The following SRD5A2 variants were observed in gnomAD, a reference collection of about 807,000 sequenced individuals.
The protein encoded by SRD5A2 is steroid 5 alpha-reductase 2.
Under a neutral mutation model 27.4 loss-of-function variants are expected in SRD5A2, and 30 were observed. The ratio of observed to expected loss-of-function variants is 1.10; its 90% CI spans 0.82 to 1.49. The LOEUF (loss-of-function observed/expected upper bound fraction) is 1.49, where lower values mean the gene tolerates loss of function less well. Among genes scored for constraint, SRD5A2 ranks in the 40% most tolerant of loss-of-function variants. The pLI, the probability that SRD5A2 is intolerant of heterozygous loss-of-function variation, is 0.00. For synonymous variants in SRD5A2, 141 were observed against 133.6 expected (o/e 1.06, Z -0.38); for missense variants, 348 against 323.4 (o/e 1.08, Z -0.58).
chr2:31,640,264 G>T, the SRD5A2 span, among the ~76,000 whole-genome samples: 23 of 151,810 alleles, frequency 1.5e-4, no homozygotes, highest in East Asian at 7.7e-4. Context: ...TTATCTTAAA[G>T]ATCACTAAGT....
At chr2:31,544,855 A>G (rs559147867) in intron 1 of SRD5A2, among the ~76,000 whole-genome samples, 14 of 152,040 alleles carry the variant, frequency 9.2e-5, no homozygotes, top group African/African-American at 3.4e-4. Context: ...AAAATCATAA[A>G]TAAAAGTGGG....
intron 1 of SRD5A2, among the ~76,000 whole-genome samples, chr2:31,574,085 G>T (rs540466300): frequency 2.6e-4 from 39 of 152,342 alleles, no homozygotes; most frequent in Non-Finnish European, 5.4e-4. Flanking sequence ...ATGTTCAGTG[G>T]CCTGGCGGGG....
chr2:31,605,729 T>C, the SRD5A2 span, among the ~76,000 whole-genome samples: 1 of 150,950 alleles, frequency 6.6e-6, no homozygotes, highest in African/African-American at 2.4e-5. Context: ...CTATGGCGAG[T>C]AGTTTGGAGG....
chr2:31,662,856 A>G, the SRD5A2 span, among the ~76,000 whole-genome samples: 8 of 152,164 alleles, frequency 5.3e-5, no homozygotes, highest in East Asian at 1.5e-3. Context: ...TTGCAGTCTT[A>G]CCTTGTATGT....
At chr2:31,645,167 C>G in the SRD5A2 span, among the ~76,000 whole-genome samples, 1 of 152,008 alleles carries the variant, frequency 6.6e-6, no homozygotes. Context: ...AGACAAGCCT[C>G]TACTTTAAAA....
chr2:31,573,231 G>C (rs1012874710), intron 1 of SRD5A2, among the ~76,000 whole-genome samples: 3 of 152,168 alleles, frequency 2.0e-5, no homozygotes, highest in African/African-American at 7.2e-5. Context: ...GACAAAATGA[G>C]ATAGCCAATG....
At chr2:31,643,204 T>C in the SRD5A2 span, among the ~76,000 whole-genome samples, 1 of 152,166 alleles carries the variant, frequency 6.6e-6, no homozygotes, top group Non-Finnish European at 1.5e-5. Context: ...CAAATTTTAA[T>C]ATAATTGTTA....
chr2:31,568,831 T>C (rs1250056372), intron 1 of SRD5A2, among the ~76,000 whole-genome samples: 1 of 152,180 alleles, frequency 6.6e-6, no homozygotes, highest in Admixed American at 6.5e-5. Context: ...GCACCCAAAG[T>C]CTGGAGGGGG....
At chr2:31,649,649 T>C in the SRD5A2 span, among the ~76,000 whole-genome samples, 2 of 152,166 alleles carry the variant, frequency 1.3e-5, no homozygotes, top group Non-Finnish European at 2.9e-5. Flanking sequence ...ACTCTTCTGA[T>C]GCATTCTCAC....
the SRD5A2 span, among the ~76,000 whole-genome samples, chr2:31,646,777 C>T: frequency 1.3e-5 from 2 of 152,070 alleles, no homozygotes; most frequent in East Asian, 3.8e-4. Flanking sequence ...AATACTTGTG[C>T]CAGGTCAAGC....
intron 1 of SRD5A2, among the ~76,000 whole-genome samples, chr2:31,547,683 G>A (rs1666290087): frequency 6.6e-6 from 1 of 152,142 alleles, no homozygotes; most frequent in South Asian, 2.1e-4. Context: ...GTCCTGGACT[G>A]AGAATTGCAA....
At position 31,524,536 on chromosome 2, in the gene SRD5A2, A is replaced by G. The variant is rs1289367680; in HGVS notation, c.*1660T>C. ...AAGCACACCCCAATACCTTGTGAAA[A>G]TCTCCAGAAGTCCCAGGATATTTTA... On this transcript the variant is annotated 3_prime_UTR_variant, in exon 5 of 5. Transcript: ENST00000622030. 1 of 230,000 alleles carries G rather than the reference A, an allele frequency of 4.3e-6. No individual in the cohort carries two copies. Among genetic ancestry groups the G allele is most frequent in the East Asian group, 6.2e-5 (1 of 16,160 alleles). The allele number at this position is 230,000 out of a possible 1,614,324, so 14.2% of individuals were successfully genotyped here.
intron 1 of SRD5A2, among the ~76,000 whole-genome samples, chr2:31,536,873 C>T (rs915169343): frequency 6.6e-6 from 1 of 152,256 alleles, no homozygotes; most frequent in South Asian, 2.1e-4. Context: ...ACTTTAATTA[C>T]CTCCTACACC....
the SRD5A2 span, among the ~76,000 whole-genome samples, chr2:31,659,888 T>C: frequency 6.6e-6 from 1 of 152,052 alleles, no homozygotes; most frequent in Non-Finnish European, 1.5e-5. Context: ...GTGTTTAAAG[T>C]TTTCCCACTG....
chr2:31,640,969 T>C, the SRD5A2 span, among the ~76,000 whole-genome samples: 1 of 152,180 alleles, frequency 6.6e-6, no homozygotes, highest in Admixed American at 6.5e-5. Context: ...GGCGATTTTC[T>C]GTGTGTTGGT....
At chr2:31,608,748 C>T in the SRD5A2 span, among the ~76,000 whole-genome samples, 1 of 151,934 alleles carries the variant, frequency 6.6e-6, no homozygotes, top group Non-Finnish European at 1.5e-5. Context: ...AACTACAAAA[C>T]ATTGTTGAAA....
At chr2:31,581,195 T>C (rs1253820772), upstream of SRD5A2, 3 of 447,810 alleles carry the variant, frequency 6.7e-6, no homozygotes, top group Admixed American at 1.2e-4. Flanking sequence ...GACTTGTTCC[T>C]CAACTATTAG....
At chr2:31,568,191 AG>A in intron 1 of SRD5A2, among the ~76,000 whole-genome samples, 1 of 152,288 alleles carries the variant, frequency 6.6e-6, no homozygotes, top group South Asian at 2.1e-4. Context: ...GCCCTGGCTC[AG>A]GGCTCCCCTA....
the SRD5A2 span, among the ~76,000 whole-genome samples, chr2:31,598,858 A>G: frequency 2.0e-4 from 31 of 152,052 alleles, no homozygotes; most frequent in African/African-American, 7.5e-4. Flanking sequence ...TAAATTCTGC[A>G]ATCAAAAGAC....
Sources: allele counts gnomAD v4.1 joint callset (sites outside exome capture counted in the v4.1 genomes callset), GRCh38; gene constraint gnomAD v4.1.1; transcripts MANE v1.5; gene names NCBI Gene and HGNC (gene_info 2026-07-23, HGNC 2026-07-21).